Variants in PCDHA13 observed in about 807,000 individuals in gnomAD.
PCDHA13 encodes protocadherin alpha 13.
PCDHA13 carries 54 observed loss-of-function variants against 64.8 expected under a neutral mutation model. That is an observed-to-expected ratio of 0.83 (90% CI 0.67 to 1.04). The LOEUF (loss-of-function observed/expected upper bound fraction) is 1.04. Among genes scored for constraint, PCDHA13 ranks in the 50% least tolerant of loss-of-function variants. The pLI, the probability that PCDHA13 is intolerant of heterozygous loss-of-function variation, is 0.00. For synonymous variants in PCDHA13, 587 were observed against 564.4 expected (o/e 1.04, Z -0.57); for missense variants, 1,248 against 1,254.3 (o/e 0.99, Z 0.08).
Position 141,010,329 on chromosome 5 carries a change from G to A in PCDHA13, c.*392G>A. The A allele has an allele frequency of 6.5e-7, 1 of 1,538,672 alleles. No individual in the cohort carries two copies. Among genetic ancestry groups the A allele is most frequent in the Non-Finnish European group, 8.8e-7 (1 of 1,142,532 alleles). On this transcript the variant is annotated 3_prime_UTR_variant, in exon 4 of 4. Transcript: ENST00000289272. ...AGTTTTGAGATTGAGCAGCTTGGGA[G>A]TTTGTGGCCACTGGGTATGTGTGGC...
At chr5:140,919,404 T>C (rs1554199054) in intron 1 of PCDHA13, among the ~76,000 whole-genome samples, 1 of 152,218 alleles carries the variant, frequency 6.6e-6, no homozygotes, top group African/African-American at 2.4e-5. Context: ...TCCTAAAAAC[T>C]CTAGACTGAC....
chr5:140,995,388 A>G (rs1467282798), intron 3 of PCDHA13, among the ~76,000 whole-genome samples: 1 of 152,208 alleles, frequency 6.6e-6, no homozygotes. Flanking sequence ...GGCAGGATAA[A>G]GCGGGATGGC....
Position 140,883,113 on chromosome 5 carries a change from G to A in PCDHA13, c.845G>A (p.Arg282Lys). ...AATGGAGATATAGTTTACTCATTTA[G>A]AAGGCCTGTATGGCCTGCAGTGGTA... ...GTNGDIVYSFRRPVWPAVVYA... is the reference protein window; with the variant it reads ...GTNGDIVYSFKRPVWPAVVYA... The change falls in exon 1 of 4, where the codon AGA becomes AAA. Residue 282 changes from arginine to lysine, a missense_variant. Transcript: ENST00000289272. 1.2e-6 allele frequency: 2 copies of A among 1,614,086 alleles called. No individual in the cohort carries two copies. The highest frequency in any genetic ancestry group is 1.7e-6 in the Non-Finnish European group (2 of 1,180,014).
At chr5:141,007,974 A>G (rs2098354254) in intron 3 of PCDHA13, among the ~76,000 whole-genome samples, 1 of 152,220 alleles carries the variant, frequency 6.6e-6, no homozygotes, top group Non-Finnish European at 1.5e-5. Flanking sequence ...GGTGTCTGTC[A>G]TGTATATATG....
intron 1 of PCDHA13, among the ~76,000 whole-genome samples, chr5:140,911,947 G>A (rs559007219): frequency 1.4e-4 from 22 of 152,262 alleles, no homozygotes; most frequent in Non-Finnish European, 2.5e-4. Context: ...TATATATAAA[G>A]GGGAGGTTAC....
intron 3 of PCDHA13, among the ~76,000 whole-genome samples, chr5:140,996,245 G>A (rs2097718426): frequency 6.6e-6 from 1 of 152,220 alleles, no homozygotes; most frequent in South Asian, 2.1e-4. Context: ...AGGCTGAGAA[G>A]TGACAGCAAC....
chr5:140,938,807 A>G (rs1253557528), intron 1 of PCDHA13, among the ~76,000 whole-genome samples: 1 of 152,020 alleles, frequency 6.6e-6, no homozygotes, highest in Non-Finnish European at 1.5e-5. Context: ...GGTACCACAA[A>G]CCCCTGTGAC....
At chr5:141,009,279 A>T (rs2098404369) in intron 3 of PCDHA13, among the ~76,000 whole-genome samples, 1 of 152,124 alleles carries the variant, frequency 6.6e-6, no homozygotes, top group Non-Finnish European at 1.5e-5. Flanking sequence ...ACATAGTGAG[A>T]TCCCATTTCT....
chr5:140,995,346 A>G (rs2097678208), intron 3 of PCDHA13, among the ~76,000 whole-genome samples: 2 of 151,964 alleles, frequency 1.3e-5, no homozygotes, highest in South Asian at 4.2e-4. Context: ...GACGGCATGG[A>G]TAGGTCGGAC....
chr5:140,956,137 A>C (rs374405911), intron 1 of PCDHA13, among the ~76,000 whole-genome samples: 1 of 152,114 alleles, frequency 6.6e-6, no homozygotes. Flanking sequence ...AATACCCTTT[A>C]TTTCTTTCTC....
chr5:140,949,260 T>C (rs1292112980), intron 1 of PCDHA13, among the ~76,000 whole-genome samples: 1 of 151,804 alleles, frequency 6.6e-6, no homozygotes, highest in Non-Finnish European at 1.5e-5. Flanking sequence ...GATGAACATA[T>C]CACGTGCACT....
Position 140,882,713 on chromosome 5 carries a change from G to T in PCDHA13, c.445G>T (p.Glu149Ter), listed in dbSNP as rs1554175318. 3.7e-6 allele frequency: 6 copies of T among 1,614,198 alleles called. No homozygotes were observed. The highest frequency in any genetic ancestry group is 1.3e-5 in the African/African-American group (1 of 75,044). The stretch of plus-strand genomic sequence containing the variant: ...AATCATTGCAGAATCTAGACCTCCG[G>T]AAACTCGATTTCCACTAGATGGCGC... ...RIIIAESRPP[E>*]TRFPLDGASD... Residue 149 changes from glutamate (E) to a stop codon, truncating the protein, a stop_gained, in exon 1 of 4, where the codon GAA becomes TAA. Coordinates refer to ENST00000289272, the MANE Select transcript of PCDHA13 (RefSeq NM_018904.3). LOFTEE classifies it high-confidence loss of function.
At chr5:140,968,190 C>A (rs782155295) in intron 1 of PCDHA13, 2 of 1,613,954 alleles carry the variant, frequency 1.2e-6, no homozygotes, top group African/African-American at 2.7e-5. Flanking sequence ...GACTCCTATT[C>A]CATCTACATA....
chr5:140,919,821 T>C (rs944662452), intron 1 of PCDHA13, among the ~76,000 whole-genome samples: 1 of 152,230 alleles, frequency 6.6e-6, no homozygotes, highest in Non-Finnish European at 1.5e-5. Flanking sequence ...CAAAAATATA[T>C]GTCCACATAG....
chr5:140,972,854 G>A (rs895738831), intron 1 of PCDHA13, among the ~76,000 whole-genome samples: 4 of 151,946 alleles, frequency 2.6e-5, no homozygotes, highest in Non-Finnish European at 4.4e-5. Flanking sequence ...AGTAGAGATG[G>A]GGTTTCATCA....
At chr5:140,937,329 G>T (rs1406340473) in intron 1 of PCDHA13, among the ~76,000 whole-genome samples, 1 of 152,050 alleles carries the variant, frequency 6.6e-6, no homozygotes, top group Admixed American at 6.5e-5. Flanking sequence ...GAGCCACCGC[G>T]CCCGGCTTCT....
chr5:140,886,602 C>A (rs1167539535), intron 1 of PCDHA13, among the ~76,000 whole-genome samples: 1 of 151,638 alleles, frequency 6.6e-6, no homozygotes, highest in Non-Finnish European at 1.5e-5. Flanking sequence ...CCAAGGTGGG[C>A]GGATCAGGAG....
intron 1 of PCDHA13, among the ~76,000 whole-genome samples, chr5:140,958,001 T>C (rs1257234939): frequency 6.6e-6 from 1 of 152,144 alleles, no homozygotes; most frequent in Non-Finnish European, 1.5e-5. Flanking sequence ...ATTTTTTGTT[T>C]CAATTCTATC....
At chr5:140,901,006 C>T (rs2068410974) in intron 1 of PCDHA13, among the ~76,000 whole-genome samples, 2 of 152,070 alleles carry the variant, frequency 1.3e-5, no homozygotes, top group African/African-American at 4.8e-5. Flanking sequence ...AGTATGTCTT[C>T]TTTTGAGAAA....
Sources: allele counts gnomAD v4.1 joint callset (sites outside exome capture counted in the v4.1 genomes callset), GRCh38; gene constraint gnomAD v4.1.1; transcripts MANE v1.5; gene names NCBI Gene and HGNC (gene_info 2026-07-23, HGNC 2026-07-21).